Variants in NDFIP1 observed in about 807,000 individuals in gnomAD.
NDFIP1 encodes the protein Nedd4 family interacting protein 1, also known as NEDD4 family-interacting protein 1.
NDFIP1 carries 7 observed loss-of-function variants against 28.8 expected under a neutral mutation model. That is an observed-to-expected ratio of 0.24 (90% CI 0.14 to 0.46). The LOEUF (loss-of-function observed/expected upper bound fraction) is 0.46. NDFIP1 is among the 20% of genes least tolerant of loss of function. NDFIP1 has a pLI of 0.99. For synonymous variants in NDFIP1, 92 were observed against 101.0 expected, an observed-to-expected ratio of 0.91 and a Z score of 0.53; for missense variants, 194 against 269.1, an observed-to-expected ratio of 0.72 and a Z score of 1.95.
At position 142,108,782 on chromosome 5, in the gene NDFIP1, G is replaced by A; in HGVS notation, c.-193G>A. The A allele has an allele frequency of 2.4e-6, 1 of 424,820 alleles. No individual in the cohort carries two copies. The allele number at this position is 424,820 out of a possible 1,614,324, so 26.3% of individuals were successfully genotyped here. On this transcript the variant is annotated 5_prime_UTR_variant, in exon 1 of 8. Coordinates refer to ENST00000253814, the MANE Select transcript of NDFIP1 (RefSeq NM_030571.4). ...TCGTAGTCCCCGCCTCTTCCCCAGG[G>A]GCCGCGTCGGAGCCTCGGCGGCGGC... is the stretch of plus-strand genomic sequence containing the variant.
At chr5:142,129,047 G>A (rs1436031234) in intron 1 of NDFIP1, among the ~76,000 whole-genome samples, 3 of 152,100 alleles carry the variant, frequency 2.0e-5, no homozygotes, top group Admixed American at 2.0e-4. Flanking sequence ...ATTATGCAGG[G>A]GTAACGTGAT....
chr5:142,150,167 C>T (rs571986155), intron 7 of NDFIP1, among the ~76,000 whole-genome samples: 1,500 of 117,550 alleles, frequency 0.013, 27 homozygotes, highest in African/African-American at 0.048. Flanking sequence ...GGTGATAGAG[C>T]GGGACTCCGT....
chr5:142,113,072 A>G (rs144141515), intron 1 of NDFIP1, among the ~76,000 whole-genome samples: 20 of 152,330 alleles, frequency 1.3e-4, no homozygotes, highest in Admixed American at 2.0e-4. Flanking sequence ...TTTGAATTCA[A>G]TGTAAGTGGG....
intron 1 of NDFIP1, among the ~76,000 whole-genome samples, chr5:142,120,374 G>C (rs1757112015): frequency 6.6e-6 from 1 of 152,170 alleles, no homozygotes. Context: ...GGTGCCACCA[G>C]TTCTTGAGCT....
intron 1 of NDFIP1, 89 bp downstream of exon 1, chr5:142,109,126 G>A: frequency 8.6e-7 from 1 of 1,164,106 alleles, no homozygotes; most frequent in Non-Finnish European, 1.1e-6. Flanking sequence ...CCGGCCCGCG[G>A]CCAACTCGAC....
chr5:142,109,099 G>T, intron 1 of NDFIP1, 62 bp downstream of exon 1: 1 of 1,245,618 alleles, frequency 8.0e-7, no homozygotes, highest in Non-Finnish European at 1.0e-6. Flanking sequence ...CCCGCTGGCC[G>T]CCTCAGGCCT....
chr5:142,123,132 T>C (rs1757136990), intron 1 of NDFIP1, among the ~76,000 whole-genome samples: 2 of 151,916 alleles, frequency 1.3e-5, no homozygotes, highest in African/African-American at 2.4e-5. Context: ...CCAGCTAATT[T>C]TTCTATTTTT....
chr5:142,133,225 A>G (rs939159552), intron 3 of NDFIP1, among the ~76,000 whole-genome samples: 1 of 152,196 alleles, frequency 6.6e-6, no homozygotes, highest in Admixed American at 6.5e-5. Flanking sequence ...TATGAGCCCA[A>G]TCTAGGATGA....
intron 1 of NDFIP1, among the ~76,000 whole-genome samples, chr5:142,124,738 C>T (rs533468425): frequency 2.0e-5 from 3 of 152,130 alleles, no homozygotes; most frequent in Admixed American, 1.3e-4. Context: ...TTTATCTTTT[C>T]CATGGGAGAT....
At chr5:142,123,286 T>C (rs1757139211) in intron 1 of NDFIP1, among the ~76,000 whole-genome samples, 1 of 152,096 alleles carries the variant, frequency 6.6e-6, no homozygotes, top group Non-Finnish European at 1.5e-5. Context: ...TTTAAAATTG[T>C]TCTTGAAATC....
intron 6 of NDFIP1, among the ~76,000 whole-genome samples, chr5:142,141,285 C>T (rs1248066509): frequency 6.8e-6 from 1 of 147,280 alleles, no homozygotes; most frequent in Non-Finnish European, 1.5e-5. Flanking sequence ...ACACCATTCT[C>T]CTGCCTCAGC....
intron 1 of NDFIP1, among the ~76,000 whole-genome samples, chr5:142,122,864 C>CTGAATA (rs1757134138): frequency 6.6e-6 from 1 of 151,962 alleles, no homozygotes; most frequent in Non-Finnish European, 1.5e-5. Flanking sequence ...GGATATAAGT[C>CTGAATA]CATTGTCTGA....
Position 142,132,302 on chromosome 5 carries a change from G to C in NDFIP1, c.242G>C (p.Arg81Thr). 6.2e-7 allele frequency: 1 copy of C among 1,614,160 alleles called. No homozygotes were observed. Among genetic ancestry groups the C allele is most frequent in the Non-Finnish European group, 8.5e-7 (1 of 1,180,018 alleles). The change falls in exon 3 of 8, where the codon AGG (arginine) becomes ACG (threonine). Residue 81 changes from arginine to threonine, a missense_variant. Physicochemically the swap from Arg to Thr is moderately conservative, Grantham distance 71. Coordinates refer to ENST00000253814, the MANE Select transcript of NDFIP1 (RefSeq NM_030571.4). ...TTLPSYDEAE[R>T]TKAEATIPLV... Reference sequence around the variant, plus strand: ...CTGCCCAGTTATGATGAAGCGGAGAGGACCAAGGCTGAAGCTACTATCCCT... The same window carrying C: ...CTGCCCAGTTATGATGAAGCGGAGACGACCAAGGCTGAAGCTACTATCCCT...
intron 1 of NDFIP1, among the ~76,000 whole-genome samples, chr5:142,111,293 C>T (rs1201720992): frequency 6.6e-6 from 1 of 151,334 alleles, no homozygotes; most frequent in Non-Finnish European, 1.5e-5. Context: ...TAATGTTCTT[C>T]ACACAATGTT....
chr5:142,135,681 C>T, intron 3 of NDFIP1, 49 bp from the exon 4 acceptor site: 1 of 1,526,798 alleles, frequency 6.5e-7, no homozygotes, highest in Non-Finnish European at 9.0e-7. Flanking sequence ...CTTCATTTTT[C>T]TTTATGTCTT....
intron 1 of NDFIP1, among the ~76,000 whole-genome samples, chr5:142,122,785 A>G (rs1017845056): frequency 6.6e-6 from 1 of 152,088 alleles, no homozygotes; most frequent in African/African-American, 2.4e-5. Context: ...TGAAATGTCT[A>G]TTCAAGTCTT....
intron 3 of NDFIP1, among the ~76,000 whole-genome samples, chr5:142,133,169 C>T (rs1346863497): frequency 6.6e-6 from 1 of 152,194 alleles, no homozygotes; most frequent in African/African-American, 2.4e-5. Flanking sequence ...ACCACACCTA[C>T]TGTGAGGAGC....
At chr5:142,136,943 C>T (rs1478925180) in intron 4 of NDFIP1, among the ~76,000 whole-genome samples, 1 of 150,988 alleles carries the variant, frequency 6.6e-6, no homozygotes. Context: ...TGGCGGTGCA[C>T]GCCTATAGTC....
rs34770849 is a variant in NDFIP1 at position 142,117,250 on chromosome 5, T to C, written c.63+8213T>C. Among the ~76,000 whole-genome samples, 12 of 127,800 alleles carry C rather than the reference T, an allele frequency of 9.4e-5. No homozygotes were observed. The East Asian group carries it at 1.0e-3, about 11-fold the overall frequency. 83.8% of individuals were successfully genotyped at this position (127,800 alleles called of 152,430 possible). Reference sequence around the variant, plus strand: ...ATGATTTCATTTTCTTTTTTTGCTTTTTTTTTTTTTTTGAGACGGAGTCTC... The same window carrying C: ...ATGATTTCATTTTCTTTTTTTGCTTCTTTTTTTTTTTTGAGACGGAGTCTC... On this transcript the variant is annotated intron_variant, in intron 1 of 7. Coordinates refer to ENST00000253814, the MANE Select transcript of NDFIP1 (RefSeq NM_030571.4).
Sources: gnomAD v4.1 joint callset for allele counts (sites outside exome capture counted in the v4.1 genomes callset) on GRCh38, gnomAD v4.1.1 for gene constraint, MANE v1.5 for transcripts, NCBI Gene and HGNC (gene_info 2026-07-23, HGNC 2026-07-21) for gene names.